Variants in FHIP1A observed in about 807,000 individuals in gnomAD.
FHIP1A encodes the protein FHF complex subunit HOOK interacting protein 1A.
A neutral mutation model predicts 88.6 loss-of-function variants in FHIP1A; 61 were observed. The observed-to-expected ratio is 0.69, with a 90% confidence interval of 0.56 to 0.85. FHIP1A has a LOEUF of 0.85. FHIP1A is among the 40% of genes least tolerant of loss of function. The pLI is 0.00. For missense variants in FHIP1A, 1,154 were observed against 1,273.5 expected (o/e 0.91, Z 1.43); for synonymous variants, 478 against 496.0 (o/e 0.96, Z 0.48).
intron 1 of FHIP1A, among the ~76,000 whole-genome samples, chr4:151,440,800 G>A (rs1334006198): frequency 6.6e-6 from 1 of 152,112 alleles, no homozygotes; most frequent in African/African-American, 2.4e-5. Context: ...TGCTTCCTCT[G>A]TCATGTTAGT....
chr4:151,505,605 T>A (rs1730807619), intron 3 of FHIP1A, among the ~76,000 whole-genome samples: 1 of 152,204 alleles, frequency 6.6e-6, no homozygotes, highest in Admixed American at 6.5e-5. Flanking sequence ...TAATTTTGAA[T>A]AATTGAACGC....
chr4:151,632,004 G>A (rs143622688), intron 8 of FHIP1A, among the ~76,000 whole-genome samples: 14 of 152,122 alleles, frequency 9.2e-5, no homozygotes, highest in African/African-American at 1.4e-4. Flanking sequence ...ATATAAACTG[G>A]CTAAATAGAT....
At chr4:151,599,385 C>T (rs1051850409) in intron 7 of FHIP1A, among the ~76,000 whole-genome samples, 1 of 152,134 alleles carries the variant, frequency 6.6e-6, no homozygotes, top group Non-Finnish European at 1.5e-5. Flanking sequence ...CTCAGAGAAG[C>T]AGATGCCAAG....
intron 6 of FHIP1A, 24 bp downstream of exon 6, chr4:151,586,823 C>T (rs941477784): frequency 2.8e-5 from 42 of 1,507,712 alleles, no homozygotes; most frequent in Non-Finnish European, 3.7e-5. Context: ...ATAAAGGATC[C>T]CTTTGCTATG....
At chr4:151,606,015 A>G (rs895811919) in intron 7 of FHIP1A, among the ~76,000 whole-genome samples, 1 of 152,240 alleles carries the variant, frequency 6.6e-6, no homozygotes, top group Non-Finnish European at 1.5e-5. Context: ...TATTATCACC[A>G]TTATAAAATA....
rs74728071 is a variant in FHIP1A at position 151,618,775 on chromosome 4, C to T, written c.979-10927C>T. On this transcript the variant is annotated intron_variant, in intron 7 of 13. Coordinates refer to ENST00000435205, the MANE Select transcript of FHIP1A (RefSeq NM_001109977.3). ...GAATATTACTTCACTTGCCCATGGT[C>T]ACCAGATGCTAAGAATTAAAATGCA... 6.6e-4 allele frequency among the ~76,000 whole-genome samples: 100 copies of T among 152,350 alleles called. 3 individuals are homozygous for T. In the East Asian group the frequency reaches 0.018, roughly 28 times the overall value.
intron 2 of FHIP1A, among the ~76,000 whole-genome samples, chr4:151,475,341 A>G (rs536870791): frequency 6.6e-6 from 1 of 152,216 alleles, no homozygotes; most frequent in Non-Finnish European, 1.5e-5. Flanking sequence ...ACATGTGAAT[A>G]TATATGAGAT....
chr4:151,555,207 G>A (rs1258467420), intron 3 of FHIP1A, among the ~76,000 whole-genome samples: 1 of 152,126 alleles, frequency 6.6e-6, no homozygotes, highest in African/African-American at 2.4e-5. Flanking sequence ...CTGCATGATG[G>A]ATGTTACACT....
chr4:151,566,646 G>A (rs964838785), intron 4 of FHIP1A, among the ~76,000 whole-genome samples: 10 of 151,954 alleles, frequency 6.6e-5, no homozygotes, highest in African/African-American at 1.2e-4. Context: ...CTTTTATATC[G>A]CTTTGCAATA....
At chr4:151,659,526 T>C (rs28672085) in intron 13 of FHIP1A, among the ~76,000 whole-genome samples, 24,639 of 152,238 alleles carry the variant, frequency 0.16, 2,559 homozygotes, top group African/African-American at 0.3. Flanking sequence ...GAACACATAA[T>C]GTATCTCTCT....
intron 3 of FHIP1A, among the ~76,000 whole-genome samples, chr4:151,543,372 G>C (rs1007386377): frequency 6.6e-6 from 1 of 152,132 alleles, no homozygotes; most frequent in East Asian, 1.9e-4. Context: ...ATGGCTTTCT[G>C]AACTCCTAAT....
chr4:151,462,180 A>T (rs1279300520), intron 2 of FHIP1A, among the ~76,000 whole-genome samples: 4 of 151,992 alleles, frequency 2.6e-5, no homozygotes, highest in Non-Finnish European at 5.9e-5. Flanking sequence ...AAGTAAAATA[A>T]ATGTATTTTG....
chr4:151,633,199 G>GGAATGT, intron 8 of FHIP1A, among the ~76,000 whole-genome samples: 1 of 151,800 alleles, frequency 6.6e-6, no homozygotes, highest in East Asian at 1.9e-4. Context: ...CAAACTGGAT[G>GGAATGT]ACCTAGAGGA....
intron 3 of FHIP1A, among the ~76,000 whole-genome samples, chr4:151,524,955 C>T (rs761649770): frequency 1.3e-5 from 2 of 152,250 alleles, no homozygotes; most frequent in East Asian, 3.9e-4. Flanking sequence ...TCAAATGGTG[C>T]GTCAGCTCCA....
chr4:151,570,591 G>A (rs1241649975), intron 4 of FHIP1A, among the ~76,000 whole-genome samples: 1 of 152,162 alleles, frequency 6.6e-6, no homozygotes, highest in African/African-American at 2.4e-5. Context: ...AGCTGGGACT[G>A]CAGAGATGTG....
intron 3 of FHIP1A, among the ~76,000 whole-genome samples, chr4:151,501,364 C>T (rs1408907319): frequency 6.6e-6 from 1 of 152,124 alleles, no homozygotes; most frequent in Non-Finnish European, 1.5e-5. Context: ...AATGCCTACA[C>T]TATTTTAATA....
intron 11 of FHIP1A, among the ~76,000 whole-genome samples, chr4:151,654,418 T>C (rs1737153512): frequency 6.7e-6 from 1 of 149,328 alleles, no homozygotes; most frequent in Non-Finnish European, 1.5e-5. Flanking sequence ...CCAAGCACAG[T>C]CTGGGACTGG....
intron 3 of FHIP1A, among the ~76,000 whole-genome samples, chr4:151,555,462 C>G (rs1055287904): frequency 6.6e-6 from 1 of 152,080 alleles, no homozygotes; most frequent in African/African-American, 2.4e-5. Context: ...CTCTCCTCCT[C>G]CTCTTATTTT....
rs1213583469 is a variant in FHIP1A at position 151,645,769 on chromosome 4, C to A, written c.1227-789C>A. ...GTTAAGAAAGTAAGTCATTTAAACA[C>A]ACTTTATTCTAGCCATGAAGCCCAC... On this transcript the variant is annotated intron_variant, in intron 9 of 13. Transcript: ENST00000435205. 3.3e-5 allele frequency among the ~76,000 whole-genome samples: 5 copies of A among 151,910 alleles called. No homozygotes were observed. The East Asian group carries it at 9.7e-4, about 29-fold the overall frequency.
Sources: allele counts gnomAD v4.1 joint callset (sites outside exome capture counted in the v4.1 genomes callset), GRCh38; gene constraint gnomAD v4.1.1; transcripts MANE v1.5; gene names NCBI Gene and HGNC (gene_info 2026-07-23, HGNC 2026-07-21).